The following HDAC9 variants were observed in gnomAD, a reference collection of about 807,000 sequenced individuals.
The protein encoded by HDAC9 is MEF-2 interacting transcription repressor (MITR) protein.
HDAC9 carries 41 observed loss-of-function variants against 139.4 expected under a neutral mutation model. That is an observed-to-expected ratio of 0.29 (90% confidence interval 0.23 to 0.38). The LOEUF (loss-of-function observed/expected upper bound fraction) is 0.38, where lower values mean the gene tolerates loss of function less well. Ranked by LOEUF, HDAC9 falls within the 10% of genes least tolerant of loss-of-function variation. The probability of loss-of-function intolerance (pLI) is 1.00; values close to 1 mark genes in which losing one functional copy is unlikely to be tolerated. For synonymous variants in HDAC9, 517 were observed against 476.2 expected (o/e 1.09, Z -1.12); for missense variants, 1,147 against 1,297.0 (o/e 0.88, Z 1.78).
chr7:18,808,351 A>G (rs1421954698), intron 17 of HDAC9: 1 of 152,212 alleles, frequency 6.6e-6, no homozygotes, highest in African/African-American at 2.4e-5. Flanking sequence ...AAAGAAGTGA[A>G]AGGCATCCAA....
intron 13 of HDAC9, among the ~76,000 whole-genome samples, chr7:18,734,321 C>G (rs535774905): frequency 3.3e-5 from 5 of 152,252 alleles, no homozygotes; most frequent in African/African-American, 1.2e-4. Flanking sequence ...TGTTGGTTTG[C>G]CGTACCCATC....
At position 18,095,600 on chromosome 7, in the gene HDAC9, C is replaced by T. The variant is rs191934250; in HGVS notation, c.-97+8387C>T. Among the ~76,000 whole-genome samples the T allele has an allele frequency of 5.4e-4, 82 of 152,088 alleles. 1 individual carries two copies. The East Asian group carries it at 0.012, about 22-fold the overall frequency. On this transcript the variant is annotated intron_variant, in intron 1 of 12. Transcript: ENST00000417496. ...ATAAAACACCACAGGAAGAATGGGC[C>T]GGTTTTGACTAAGACTACAGGTCTG...
At chr7:18,284,412 A>G (rs1797303881) in intron 2 of HDAC9, among the ~76,000 whole-genome samples, 1 of 152,166 alleles carries the variant, frequency 6.6e-6, no homozygotes, top group South Asian at 2.1e-4. Flanking sequence ...ATATAGGCTC[A>G]GTTAATGTAT....
At chr7:18,676,394 A>G (rs1781513265) in intron 12 of HDAC9, among the ~76,000 whole-genome samples, 1 of 151,882 alleles carries the variant, frequency 6.6e-6, no homozygotes, top group South Asian at 2.1e-4. Flanking sequence ...AGAACTTAGA[A>G]TGGGAAATCT....
At chr7:18,111,135 G>A (rs755313234) in intron 1 of HDAC9, among the ~76,000 whole-genome samples, 2 of 152,202 alleles carry the variant, frequency 1.3e-5, no homozygotes, top group Non-Finnish European at 2.9e-5. Context: ...ATGTGCCTGT[G>A]AAGCTTACAG....
At chr7:18,507,877 A>G (rs940839844) in intron 2 of HDAC9, among the ~76,000 whole-genome samples, 13 of 152,240 alleles carry the variant, frequency 8.5e-5, no homozygotes, top group Non-Finnish European at 2.9e-5. Context: ...AGAAGTCAAG[A>G]TGGAAATAAA....
chr7:18,536,934 T>C (rs1211245295), intron 2 of HDAC9, among the ~76,000 whole-genome samples: 3 of 152,200 alleles, frequency 2.0e-5, no homozygotes, highest in African/African-American at 4.8e-5. Context: ...CATAAAATAC[T>C]ATGTGTATAT....
intron 1 of HDAC9, among the ~76,000 whole-genome samples, chr7:18,330,850 T>C (rs1800866242): frequency 6.6e-6 from 1 of 151,658 alleles, no homozygotes; most frequent in Non-Finnish European, 1.5e-5. Context: ...TTGGAGCATG[T>C]AGGAAGAATA....
At chr7:18,750,461 A>G (rs1416453298) in intron 14 of HDAC9, among the ~76,000 whole-genome samples, 1 of 152,196 alleles carries the variant, frequency 6.6e-6, no homozygotes, top group African/African-American at 2.4e-5. Context: ...GAATTATCAA[A>G]CAGTTTTCAT....
chr7:18,619,033 A>C (rs73063153), intron 6 of HDAC9, among the ~76,000 whole-genome samples: 34 of 152,274 alleles, frequency 2.2e-4, no homozygotes, highest in South Asian at 6.2e-4. Context: ...TGATAATTCA[A>C]AATGATGCTA....
intron 2 of HDAC9, chr7:18,578,312 A>T (rs185268599): frequency 5.3e-5 from 26 of 490,060 alleles, no homozygotes; most frequent in African/African-American, 4.5e-4. Context: ...CGACCCCTTC[A>T]CACATGTTAG....
intron 16 of HDAC9, among the ~76,000 whole-genome samples, chr7:18,782,115 T>G (rs1431773805): frequency 6.6e-6 from 1 of 152,076 alleles, no homozygotes; most frequent in Non-Finnish European, 1.5e-5. Context: ...GAAAATGCCC[T>G]GTGGCCCTAG....
rs957268358 is a variant in HDAC9, at chr7:18,824,078, G to C, written c.2323-5083G>C. Among the ~76,000 whole-genome samples the C allele has an allele frequency of 2.5e-3, 376 of 150,738 alleles. 3 individuals carry two copies. Among genetic ancestry groups the C allele is most frequent in the African/African-American group, 8.9e-3 (360 of 40,446 alleles). Reference sequence around the variant, plus strand: ...AGAAGAAGAAGAAGAAGAAGAAGAAGAAGAAGAAGAACAAGAACAAGAAGG... The same window carrying C: ...AGAAGAAGAAGAAGAAGAAGAAGAACAAGAAGAAGAACAAGAACAAGAAGG... On this transcript the variant is annotated intron_variant, in intron 17 of 25. Transcript: ENST00000686413.
chr7:18,749,305 C>T (rs193020543), intron 14 of HDAC9, among the ~76,000 whole-genome samples, 167 bp downstream of exon 14: 49 of 152,222 alleles, frequency 3.2e-4, no homozygotes, highest in East Asian at 5.8e-4. Flanking sequence ...TGACTCTGGG[C>T]GGGGCACACT....
At chr7:18,980,745 C>CCTTCTTCTTCTTCCTT (rs1348804610) in intron 25 of HDAC9, among the ~76,000 whole-genome samples, 1 of 32,680 alleles carries the variant, frequency 3.1e-5, no homozygotes, top group East Asian at 2.5e-3. Flanking sequence ...TCTTCTTCTT[C>CCTTCTTCTTCTTCCTT]CTTCTTCTTC....
At position 18,517,221 on chromosome 7, in the gene HDAC9, T is replaced by TA. The variant is rs201852000; in HGVS notation, c.22+20898dup. Reference sequence around the variant, plus strand: ...GGCGTCATGTGCTTACAGGAATTGATATCTTTTAAGAGTCCGTCATTGTGA... The same window carrying TA: ...GGCGTCATGTGCTTACAGGAATTGATAATCTTTTAAGAGTCCGTCATTGTGA... On this transcript the variant is annotated intron_variant, in intron 2 of 25. Coordinates refer to ENST00000686413, the MANE Select transcript of HDAC9 (RefSeq NM_178425.4). Among the ~76,000 whole-genome samples the TA allele has an allele frequency of 5.4e-4, 83 of 152,336 alleles. No homozygotes were observed. In the East Asian group the frequency reaches 0.015, roughly 27 times the overall value.
chr7:18,727,130 A>G (rs1284676942), intron 12 of HDAC9, among the ~76,000 whole-genome samples: 5 of 152,250 alleles, frequency 3.3e-5, no homozygotes, highest in Non-Finnish European at 5.9e-5. Flanking sequence ...TTCATAAACA[A>G]TATTCACTGA....
At chr7:18,580,215 A>G (rs1827370934) in intron 2 of HDAC9, among the ~76,000 whole-genome samples, 1 of 152,184 alleles carries the variant, frequency 6.6e-6, no homozygotes, top group African/African-American at 2.4e-5. Context: ...GAACACCTAC[A>G]TGATTTGGGA....
At chr7:18,817,270 G>A (rs1408495235) in intron 17 of HDAC9, among the ~76,000 whole-genome samples, 1 of 152,140 alleles carries the variant, frequency 6.6e-6, no homozygotes, top group Non-Finnish European at 1.5e-5. Context: ...TCCTGACCTC[G>A]TGATCCGCCC....
Sources: allele counts gnomAD v4.1 joint callset (sites outside exome capture counted in the v4.1 genomes callset), GRCh38; gene constraint gnomAD v4.1.1; transcripts MANE v1.5; gene names NCBI Gene and HGNC (gene_info 2026-07-23, HGNC 2026-07-21).